BRD10: variants seen among roughly 807,000 people sequenced by gnomAD.
BRD10 encodes uncharacterized bromodomain-containing protein 10.
chr9:5,952,242 A>C, the BRD10 span, among the ~76,000 whole-genome samples: 2 of 151,870 alleles, frequency 1.3e-5, no homozygotes, highest in South Asian at 4.2e-4. Context: ...GCTGGTCTCG[A>C]ACTCCTGACC....
chr9:5,893,213 C>T, the BRD10 span, among the ~76,000 whole-genome samples: 3 of 152,032 alleles, frequency 2.0e-5, no homozygotes, highest in Non-Finnish European at 2.9e-5. Context: ...AATGTAAGTG[C>T]GGTAATGAAA....
the BRD10 span, chr9:6,007,678 T>A: frequency 2.5e-6 from 4 of 1,608,422 alleles, no homozygotes; most frequent in Non-Finnish European, 3.4e-6. Flanking sequence ...CCCTGAGGTC[T>A]GGGCCGCCGC....
chr9:5,965,028 C>A, the BRD10 span, among the ~76,000 whole-genome samples: 1 of 133,796 alleles, frequency 7.5e-6, no homozygotes, highest in Non-Finnish European at 1.6e-5. Context: ...GCACAATGTG[C>A]ACATGTACCC....
At chr9:5,991,615 C>A in the BRD10 span, among the ~76,000 whole-genome samples, 3 of 151,272 alleles carry the variant, frequency 2.0e-5, no homozygotes, top group Non-Finnish European at 4.4e-5. Flanking sequence ...GTCCAAGCTA[C>A]GCGGGAGGCT....
At chr9:5,923,951 G>A in the BRD10 span, among the ~76,000 whole-genome samples, 4 of 152,172 alleles carry the variant, frequency 2.6e-5, no homozygotes, top group South Asian at 2.1e-4. Flanking sequence ...TTTACATAAC[G>A]TAATCTGATA....
At chr9:5,994,304 G>C in the BRD10 span, among the ~76,000 whole-genome samples, 1 of 151,982 alleles carries the variant, frequency 6.6e-6, no homozygotes, top group East Asian at 1.9e-4. Flanking sequence ...ATGCATAATC[G>C]AAGGTATATA....
the BRD10 span, among the ~76,000 whole-genome samples, chr9:5,970,315 C>T: frequency 8.6e-5 from 13 of 152,002 alleles, no homozygotes; most frequent in African/African-American, 3.1e-4. Context: ...TGTCAGAATA[C>T]AACACAGTAC....
the BRD10 span, among the ~76,000 whole-genome samples, chr9:5,979,630 A>C: frequency 1.5e-4 from 23 of 152,212 alleles, no homozygotes; most frequent in Non-Finnish European, 2.9e-4. Flanking sequence ...AAGTTATCAA[A>C]ACTGCTATCT....
chr9:5,957,318 A>T, the BRD10 span, among the ~76,000 whole-genome samples: 5 of 152,188 alleles, frequency 3.3e-5, no homozygotes, highest in African/African-American at 1.2e-4. Context: ...TCTAACTACA[A>T]AGTCTAAGCT....
chr9:5,954,240 G>C, the BRD10 span: 1 of 603,110 alleles, frequency 1.7e-6, no homozygotes, highest in Non-Finnish European at 2.9e-6. Flanking sequence ...ATCAAAACAA[G>C]CCCCAGTAAA....
the BRD10 span, among the ~76,000 whole-genome samples, chr9:5,905,782 C>T: frequency 2.6e-5 from 4 of 152,208 alleles, no homozygotes; most frequent in Non-Finnish European, 5.9e-5. Flanking sequence ...CCTACAATTC[C>T]TGTCTTCCTG....
At chr9:5,900,155 C>T in the BRD10 span, among the ~76,000 whole-genome samples, 1 of 152,102 alleles carries the variant, frequency 6.6e-6, no homozygotes, top group African/African-American at 2.4e-5. Context: ...TTCTTTTCTG[C>T]TTCAATGCTC....
At chr9:6,007,637 C>T in the BRD10 span, 3 of 1,602,932 alleles carry the variant, frequency 1.9e-6, no homozygotes, top group Non-Finnish European at 2.6e-6. Flanking sequence ...TCCGCGTCCT[C>T]CAGCGAGGAG....
At chr9:5,923,458 T>A in the BRD10 span, 1 of 609,874 alleles carries the variant, frequency 1.6e-6, no homozygotes, top group Non-Finnish European at 2.8e-6. Context: ...GCACCACTGA[T>A]GAAGACAAAG....
the BRD10 span, among the ~76,000 whole-genome samples, chr9:5,934,198 A>G: frequency 6.6e-6 from 1 of 151,812 alleles, no homozygotes; most frequent in Non-Finnish European, 1.5e-5. Context: ...ATATACAACA[A>G]AAGTATGAAT....
the BRD10 span, among the ~76,000 whole-genome samples, chr9:5,952,128 C>G: frequency 1.3e-5 from 2 of 151,970 alleles, no homozygotes; most frequent in Non-Finnish European, 2.9e-5. Context: ...TCAAGTGATT[C>G]TCCTCTCTCA....
the BRD10 span, among the ~76,000 whole-genome samples, chr9:5,959,756 T>G: frequency 6.6e-6 from 1 of 152,174 alleles, no homozygotes; most frequent in African/African-American, 2.4e-5. Context: ...TTCTCAGTCA[T>G]TTCCTATAAA....
chr9:5,886,814 G>A, the BRD10 span, among the ~76,000 whole-genome samples: 1 of 152,172 alleles, frequency 6.6e-6, no homozygotes, highest in Non-Finnish European at 1.5e-5. Context: ...AAGTTGAGGT[G>A]CCCAGGGAAC....
the BRD10 span, among the ~76,000 whole-genome samples, chr9:6,004,561 G>T: frequency 6.6e-6 from 1 of 152,176 alleles, no homozygotes; most frequent in Admixed American, 6.5e-5. Context: ...CGGCTTTAAA[G>T]TCTCTTTACA....
Sources: gnomAD v4.1 joint callset for allele counts (sites outside exome capture counted in the v4.1 genomes callset) on GRCh38, gnomAD v4.1.1 for gene constraint, MANE v1.5 for transcripts, NCBI Gene and HGNC (gene_info 2026-07-23, HGNC 2026-07-21) for gene names.